SCML2: variants seen among roughly 807,000 people sequenced by gnomAD.
The protein encoded by SCML2 is sex comb on midleg-like protein 2.
A neutral mutation model predicts 48.4 loss-of-function variants in SCML2; 6 were observed. The ratio of observed to expected loss-of-function variants is 0.12; its 90% CI spans 0.07 to 0.24. The LOEUF is 0.24. Ranked by LOEUF, SCML2 falls within the 10% of genes least tolerant of loss-of-function variation. SCML2 has a pLI of 1.00. For synonymous variants in SCML2, 181 were observed against 189.5 expected (o/e 0.95, Z 0.37); for missense variants, 377 against 528.2 (o/e 0.71, Z 2.81).
Position 18,240,802 on chromosome X carries a change from T to C in SCML2, c.*449A>G. 1 of 114,999 alleles carries C rather than the reference T, an allele frequency of 8.7e-6. No homozygotes were observed. Among genetic ancestry groups the C allele is most frequent in the Non-Finnish European group, 1.9e-5 (1 of 54,028 alleles). The allele number at this position is 114,999 out of a possible 1,213,427, so 9.5% of individuals were successfully genotyped here. A position where few individuals can be genotyped will look rare whatever the true frequency, so the allele number is the denominator to read the frequency against. ...TCTACAGGTGCACCTTTAAATTCTCTAGTGAGGAAAAATTCTCATGGATTT... is the reference window on the plus strand; with the variant it reads ...TCTACAGGTGCACCTTTAAATTCTCCAGTGAGGAAAAATTCTCATGGATTT... On this transcript the variant is annotated 3_prime_UTR_variant, in exon 15 of 15. Coordinates refer to ENST00000251900, the MANE Select transcript of SCML2 (RefSeq NM_006089.3).
At chrX:18,317,977 C>T in intron 6 of SCML2, among the ~76,000 whole-genome samples, 1 of 111,437 alleles carries the variant, frequency 9.0e-6, no homozygotes, top group Admixed American at 9.5e-5. Context: ...TTCCCATCCC[C>T]TGCCCCCCAC....
intron 7 of SCML2, among the ~76,000 whole-genome samples, chrX:18,266,654 A>G (rs1927267313): frequency 3.6e-5 from 4 of 112,570 alleles, no homozygotes; most frequent in Non-Finnish European, 7.5e-5. Context: ...ACATTTATAC[A>G]TCTATGCAAA....
intron 5 of SCML2, 106 bp downstream of exon 5, chrX:18,323,753 A>G: frequency 1.8e-6 from 1 of 565,059 alleles, no homozygotes; most frequent in Non-Finnish European, 3.0e-6. Flanking sequence ...CTGACCATCT[A>G]TTTGCAAGAA....
intron 7 of SCML2, among the ~76,000 whole-genome samples, chrX:18,269,286 G>A (rs1246555404): frequency 9.0e-6 from 1 of 111,413 alleles, no homozygotes; most frequent in African/African-American, 3.3e-5. Flanking sequence ...GAATCATGGA[G>A]GCGGTTTCCC....
chrX:18,287,200 AC>A (rs1928084698), intron 7 of SCML2, among the ~76,000 whole-genome samples: 1 of 112,015 alleles, frequency 8.9e-6, no homozygotes, highest in Non-Finnish European at 1.9e-5. Context: ...GAAATCACTC[AC>A]TCAGAAAAGT....
intron 6 of SCML2, among the ~76,000 whole-genome samples, chrX:18,308,097 GA>G (rs1248952714): frequency 0.019 from 1,377 of 72,658 alleles, 12 homozygotes; most frequent in Non-Finnish European, 0.028. Flanking sequence ...CGTCTCAAAA[GA>G]AAAAAAAAAA....
chrX:18,263,927 G>C (rs1927164683), intron 8 of SCML2, among the ~76,000 whole-genome samples: 1 of 107,890 alleles, frequency 9.3e-6, no homozygotes, highest in South Asian at 4.1e-4. Context: ...TTCTCTGCAT[G>C]TACTTTTTCA....
chrX:18,302,479 G>A lies in SCML2; in HGVS notation c.730+2493C>T, dbSNP rs1471320195. ...ACTGGAAACAACTGAGCCCCACTTC[G>A]AACCCACGGATTCAAACCCCTGGAT... On this transcript the variant is annotated intron_variant, in intron 7 of 14. Transcript: ENST00000251900. Among the ~76,000 whole-genome samples, 4 of 110,787 alleles carry A rather than the reference G, an allele frequency of 3.6e-5. No homozygotes were observed. In the Admixed American group the frequency reaches 3.9e-4, roughly 11 times the overall value.
rs1928608917 is a variant in SCML2, at chrX:18,302,072, A to T, written c.730+2900T>A. ...GGTAAGATTTCTAAAGTTCACTCAA[A>T]GTGAATGTCAACTGGGGTAAAGACA... On this transcript the variant is annotated intron_variant, in intron 7 of 14. Coordinates refer to ENST00000251900, the MANE Select transcript of SCML2 (RefSeq NM_006089.3). Among the ~76,000 whole-genome samples the T allele has an allele frequency of 2.7e-5, 3 of 111,436 alleles. No homozygotes were observed. The South Asian group carries it at 1.1e-3, about 42-fold the overall frequency.
At chrX:18,306,060 T>G (rs1043568111) in intron 6 of SCML2, among the ~76,000 whole-genome samples, 12 of 111,208 alleles carry the variant, frequency 1.1e-4, no homozygotes, top group Non-Finnish European at 2.3e-4. Flanking sequence ...CTTGTTCAAA[T>G]TAAAAGAGAA....
At chrX:18,326,062 G>A (rs1050472739) in intron 3 of SCML2, among the ~76,000 whole-genome samples, 2 of 112,153 alleles carry the variant, frequency 1.8e-5, no homozygotes, top group Non-Finnish European at 3.8e-5. Flanking sequence ...ATGTAAATAT[G>A]ACCACCATGG....
At chrX:18,280,918 C>T (rs1385136051) in intron 7 of SCML2, among the ~76,000 whole-genome samples, 14 of 112,274 alleles carry the variant, frequency 1.2e-4, no homozygotes, top group Admixed American at 8.5e-4. Context: ...GAGACTTCAA[C>T]ACCTCACTGA....
At position 18,309,951 on chromosome X, in the gene SCML2, A is replaced by G. The variant is rs762548188; in HGVS notation, c.487-4736T>C. 1.2e-3 allele frequency among the ~76,000 whole-genome samples: 137 copies of G among 111,985 alleles called. 1 individual carries two copies. The highest frequency in any genetic ancestry group is 6.0e-3 in the South Asian group (16 of 2,668). ...AAAAGTTGGAGAGAAAACAAAAAAAATCAAGTGTCCATCAACAGGTGAATA... is the reference window on the plus strand; with the variant it reads ...AAAAGTTGGAGAGAAAACAAAAAAAGTCAAGTGTCCATCAACAGGTGAATA... On this transcript the variant is annotated intron_variant, in intron 6 of 14. Transcript: ENST00000251900.
intron 4 of SCML2, 82 bp downstream of exon 4, chrX:18,324,825 T>A (rs1410559450): frequency 2.8e-6 from 2 of 714,513 alleles, no homozygotes; most frequent in Non-Finnish European, 4.4e-6. Context: ...CTCCTCACAC[T>A]ACCAGAATCT....
At chrX:18,333,521 G>A (rs1929718080) in intron 2 of SCML2, among the ~76,000 whole-genome samples, 2 of 111,846 alleles carry the variant, frequency 1.8e-5, no homozygotes, top group African/African-American at 6.5e-5. Context: ...TTCTAGAGAA[G>A]CTAAGAATCT....
chrX:18,239,318 C>T lies in SCML2; in HGVS notation c.*1933G>A, dbSNP rs377672178. On this transcript the variant is annotated 3_prime_UTR_variant, in exon 15 of 15. Coordinates refer to ENST00000251900, the MANE Select transcript of SCML2 (RefSeq NM_006089.3). ...ATCACATCTGAGGCTTTGAATGAATCGTTGCGATTAACTTTATTAATATTT... is the reference window on the plus strand; with the variant it reads ...ATCACATCTGAGGCTTTGAATGAATTGTTGCGATTAACTTTATTAATATTT... 2 of 112,487 alleles carry T rather than the reference C, an allele frequency of 1.8e-5. No individual in the cohort carries two copies. Among genetic ancestry groups the T allele is most frequent in the Non-Finnish European group, 3.8e-5 (2 of 53,322 alleles). 9.3% of individuals were successfully genotyped at this position (112,487 alleles called of 1,213,427 possible).
chrX:18,247,917 C>A, intron 11 of SCML2, 35 bp from the exon 12 acceptor site: 1 of 994,554 alleles, frequency 1.0e-6, no homozygotes, highest in South Asian at 2.0e-5. Flanking sequence ...TCTGTTATAA[C>A]GAACTAATAT....
intron 1 of SCML2, among the ~76,000 whole-genome samples, chrX:18,334,835 G>A (rs889811572): frequency 8.9e-6 from 1 of 112,058 alleles, no homozygotes; most frequent in Non-Finnish European, 1.9e-5. Context: ...TATCTATCCC[G>A]CCATTACTCC....
chrX:18,309,987 G>GAT (rs751431680), intron 6 of SCML2, among the ~76,000 whole-genome samples: 148 of 111,440 alleles, frequency 1.3e-3, no homozygotes, highest in African/African-American at 4.7e-3. Flanking sequence ...AAGAAAATGT[G>GAT]ATATATATAC....
Sources: allele counts gnomAD v4.1 joint callset (sites outside exome capture counted in the v4.1 genomes callset), GRCh38; gene constraint gnomAD v4.1.1; transcripts MANE v1.5; gene names NCBI Gene and HGNC (gene_info 2026-07-23, HGNC 2026-07-21).